ADORA2B: variants seen among roughly 807,000 people sequenced by gnomAD.
ADORA2B encodes the protein adenosine A2b receptor.
ADORA2B carries 18 observed loss-of-function variants against 20.8 expected under a neutral mutation model. The observed-to-expected ratio is 0.87, with a 90% confidence interval of 0.60 to 1.29. ADORA2B has a LOEUF of 1.29. Among genes scored for constraint, ADORA2B ranks in the 50% most tolerant of loss-of-function variants. ADORA2B has a pLI of 0.00. For synonymous variants in ADORA2B, 179 were observed against 178.3 expected (o/e 1.00, Z -0.03); for missense variants, 441 against 422.7 (o/e 1.04, Z -0.38).
chr17:15,915,554 T>C, the ADORA2B span, among the ~76,000 whole-genome samples: 1 of 152,114 alleles, frequency 6.6e-6, no homozygotes, highest in Non-Finnish European at 1.5e-5. Context: ...GCTGTGTTAG[T>C]CAAGGTTCTC....
At chr17:15,934,900 G>A in the ADORA2B span, among the ~76,000 whole-genome samples, 1 of 152,160 alleles carries the variant, frequency 6.6e-6, no homozygotes, top group South Asian at 2.1e-4. Flanking sequence ...TCTGCCTCCT[G>A]GGTTCAAGTG....
At chr17:15,923,391 A>G in the ADORA2B span, among the ~76,000 whole-genome samples, 22,997 of 125,886 alleles carry the variant, frequency 0.18, 1,969 homozygotes, top group Middle Eastern at 0.21. Flanking sequence ...GTGTGTGTGT[A>G]TATATATATA....
At position 15,959,211 on chromosome 17, in the gene ADORA2B, C is replaced by T. The variant is rs147470224; in HGVS notation, c.335+13628C>T. Among the ~76,000 whole-genome samples the T allele has an allele frequency of 7.8e-3, 1,194 of 152,262 alleles. 8 individuals are homozygous for T. The highest frequency in any genetic ancestry group is 0.012 in the Non-Finnish European group (787 of 68,024). ...GGGATAAAATGCCTCCTAAATTTGG[C>T]ATTTTCAGAAGTCATTTAGCAACCT... On this transcript the variant is annotated intron_variant, in intron 1 of 1. Coordinates refer to ENST00000304222, the MANE Select transcript of ADORA2B (RefSeq NM_000676.4).
At chr17:15,924,890 C>G in the ADORA2B span, among the ~76,000 whole-genome samples, 6,044 of 150,426 alleles carry the variant, frequency 0.04, 432 homozygotes, top group African/African-American at 0.14. Flanking sequence ...TTTAAAGAGA[C>G]AGAGTCTTGC....
intron 1 of ADORA2B, 88 bp downstream of exon 1, chr17:15,945,671 G>T: frequency 7.7e-7 from 1 of 1,302,688 alleles, no homozygotes; most frequent in African/African-American, 1.5e-5. Flanking sequence ...CTCCCTCGGG[G>T]GCCCCAGACG....
the ADORA2B span, among the ~76,000 whole-genome samples, chr17:15,859,218 C>G: frequency 2.6e-5 from 4 of 152,216 alleles, no homozygotes; most frequent in Admixed American, 6.5e-5. Context: ...CCCCACTTAG[C>G]CCCCTCCAGG....
chr17:15,870,789 A>G, the ADORA2B span, among the ~76,000 whole-genome samples: 1 of 152,234 alleles, frequency 6.6e-6, no homozygotes, highest in African/African-American at 2.4e-5. Context: ...CTTGAGGGCT[A>G]CATGCACAAT....
At chr17:15,901,070 GA>G in the ADORA2B span, among the ~76,000 whole-genome samples, 1 of 152,168 alleles carries the variant, frequency 6.6e-6, no homozygotes. Context: ...TGCACACACA[GA>G]CTGGGTGCTG....
At chr17:15,936,608 C>G in the ADORA2B span, among the ~76,000 whole-genome samples, 5 of 152,228 alleles carry the variant, frequency 3.3e-5, no homozygotes, top group African/African-American at 1.2e-4. Context: ...GCATGAGCCA[C>G]TGCACCTGGC....
the ADORA2B span, among the ~76,000 whole-genome samples, chr17:15,887,805 G>C: frequency 1.6e-5 from 2 of 123,130 alleles, 1 homozygote; most frequent in Non-Finnish European, 3.4e-5. Flanking sequence ...AAAAAAATTA[G>C]CCAGGTTTGG....
At chr17:15,931,790 G>A in the ADORA2B span, among the ~76,000 whole-genome samples, 2 of 152,056 alleles carry the variant, frequency 1.3e-5, no homozygotes, top group Non-Finnish European at 2.9e-5. Flanking sequence ...GGAGTGCAGT[G>A]GCATGATCTC....
At chr17:15,861,776 GC>G in the ADORA2B span, among the ~76,000 whole-genome samples, 1 of 152,140 alleles carries the variant, frequency 6.6e-6, no homozygotes, top group Non-Finnish European at 1.5e-5. Flanking sequence ...CCAGGTTACA[GC>G]AAACCTCTTT....
chr17:15,863,524 A>T, the ADORA2B span, among the ~76,000 whole-genome samples: 2,796 of 151,910 alleles, frequency 0.018, 70 homozygotes, highest in African/African-American at 0.063. Flanking sequence ...TTATTTATTT[A>T]TTTATTTATT....
the ADORA2B span, among the ~76,000 whole-genome samples, chr17:15,865,867 A>G: frequency 6.6e-6 from 1 of 150,436 alleles, no homozygotes; most frequent in Non-Finnish European, 1.5e-5. Flanking sequence ...GGAAAGTTTA[A>G]TAGGCAAGAA....
chr17:15,902,934 C>A, the ADORA2B span, among the ~76,000 whole-genome samples: 2 of 152,186 alleles, frequency 1.3e-5, no homozygotes, highest in Middle Eastern at 3.2e-3. Flanking sequence ...CCCATGGGGG[C>A]TTCTGGGATG....
At chr17:15,861,942 C>A in the ADORA2B span, among the ~76,000 whole-genome samples, 3 of 152,184 alleles carry the variant, frequency 2.0e-5, no homozygotes, top group African/African-American at 7.2e-5. Flanking sequence ...TACTTAGCAC[C>A]ACCCCTGCCC....
chr17:15,930,587 T>C, the ADORA2B span, among the ~76,000 whole-genome samples: 1 of 152,284 alleles, frequency 6.6e-6, no homozygotes, highest in South Asian at 2.1e-4. Flanking sequence ...TGAGCCACCG[T>C]GCCTGGCCAG....
chr17:15,920,839 G>A, the ADORA2B span, among the ~76,000 whole-genome samples: 1 of 152,334 alleles, frequency 6.6e-6, no homozygotes, highest in East Asian at 1.9e-4. Flanking sequence ...ATCCCTTGGA[G>A]GCTGCGAGCC....
chr17:15,889,163 C>T, the ADORA2B span, among the ~76,000 whole-genome samples: 1 of 126,350 alleles, frequency 7.9e-6, no homozygotes, highest in African/African-American at 3.4e-5. Flanking sequence ...CCACTACACC[C>T]AGCCCACCAC....
Sources: allele counts gnomAD v4.1 joint callset (sites outside exome capture counted in the v4.1 genomes callset), GRCh38; gene constraint gnomAD v4.1.1; transcripts MANE v1.5; gene names NCBI Gene and HGNC (gene_info 2026-07-23, HGNC 2026-07-21).